ADAMTS16: variants seen among roughly 807,000 people sequenced by gnomAD.
ADAMTS16 encodes the protein A disintegrin and metalloproteinase with thrombospondin motifs 16.
A neutral mutation model predicts 145.8 loss-of-function variants in ADAMTS16; 94 were observed. The ratio of observed to expected loss-of-function variants is 0.64; its 90% CI spans 0.55 to 0.77. The LOEUF (loss-of-function observed/expected upper bound fraction) is 0.77, where lower values mean the gene tolerates loss of function less well. ADAMTS16 is among the 30% of genes least tolerant of loss of function. The pLI is 0.00. For synonymous variants in ADAMTS16, 659 were observed against 604.3 expected (o/e 1.09, Z -1.33); for missense variants, 1,585 against 1,591.5 (o/e 1.00, Z 0.07).
Position 5,303,363 on chromosome 5 carries a change from C to G in ADAMTS16, c.2885C>G (p.Ser962Trp), listed in dbSNP as rs769507235. ...TGCACACGGCGGGTGCACTATGACT[C>G]GGAGCCAGTCCCGGCCAGCCTGTGC... is the stretch of plus-strand genomic sequence containing the variant. ...VQCTRRVHYD[S>W]EPVPASLCPQ... Residue 962 changes from serine to tryptophan, a missense_variant, in exon 19 of 23, where the codon TCG (serine) becomes TGG (tryptophan). Around this residue, in one of 3 missense-constraint regions of ADAMTS16, gnomAD observed 834 missense variants for 811.7 expected, o/e 1.03. Transcript: ENST00000274181. The G allele has an allele frequency of 2.5e-6, 4 of 1,601,032 alleles. No individual in the cohort carries two copies. The highest frequency in any genetic ancestry group is 3.4e-6 in the Non-Finnish European group (4 of 1,175,136).
In ADAMTS16 at chr5:5,311,829, G is replaced by C. The variant is rs566801073; in HGVS notation, c.3411+5101G>C. 2.8e-4 allele frequency among the ~76,000 whole-genome samples: 42 copies of C among 151,484 alleles called. No homozygotes were observed. In the South Asian group the frequency reaches 4.4e-3, roughly 16 times the overall value. The stretch of plus-strand genomic sequence containing the variant: ...CCTCCCGGGTTCAAGCCATTCTCCT[G>C]CCTCAGCCTCCCAAGTAGCTGGGAC... On this transcript the variant is annotated intron_variant, in intron 21 of 22. Transcript: ENST00000274181.
intron 18 of ADAMTS16, among the ~76,000 whole-genome samples, chr5:5,288,183 C>T (rs142252509): frequency 1.3e-5 from 2 of 152,178 alleles, no homozygotes; most frequent in Non-Finnish European, 2.9e-5. Context: ...CCCAAGAAAA[C>T]GAAGAGCCGA....
At chr5:5,180,148 C>T (rs950347479) in intron 3 of ADAMTS16, among the ~76,000 whole-genome samples, 1 of 152,140 alleles carries the variant, frequency 6.6e-6, no homozygotes, top group South Asian at 2.1e-4. Context: ...CCCAGGCTCC[C>T]CACATCAGAG....
chr5:5,291,478 T>G (rs1739314318), intron 18 of ADAMTS16, among the ~76,000 whole-genome samples: 1 of 152,182 alleles, frequency 6.6e-6, no homozygotes, highest in Non-Finnish European at 1.5e-5. Context: ...TCCTGTCTGC[T>G]AGTCCTCCCA....
At chr5:5,196,642 C>T (rs977212621) in intron 8 of ADAMTS16, among the ~76,000 whole-genome samples, 1 of 152,100 alleles carries the variant, frequency 6.6e-6, no homozygotes, top group Non-Finnish European at 1.5e-5. Flanking sequence ...TTGGCCAGAC[C>T]TTCCCATACA....
intron 13 of ADAMTS16, among the ~76,000 whole-genome samples, chr5:5,235,972 G>A (rs1169675418): frequency 2.6e-5 from 4 of 152,186 alleles, no homozygotes; most frequent in Non-Finnish European, 5.9e-5. Context: ...CAATTTCCCG[G>A]AAGCATGTTT....
chr5:5,168,352 C>CATTATTATTATTATTATT (rs70965930), intron 3 of ADAMTS16, among the ~76,000 whole-genome samples: 54 of 139,804 alleles, frequency 3.9e-4, no homozygotes, highest in African/African-American at 1.2e-3. Context: ...TTATCCGAAA[C>CATTATTATTATTATTATT]ATTATTATTA....
At chr5:5,239,457 G>A (rs758680438) in intron 15 of ADAMTS16, among the ~76,000 whole-genome samples, 183 bp downstream of exon 15, 4 of 152,184 alleles carry the variant, frequency 2.6e-5, no homozygotes, top group Non-Finnish European at 5.9e-5. Context: ...TGAGTTATTT[G>A]CAATAAAATT....
chr5:5,251,420 A>G (rs536169365), intron 17 of ADAMTS16, among the ~76,000 whole-genome samples: 2 of 152,352 alleles, frequency 1.3e-5, no homozygotes, highest in Admixed American at 6.5e-5. Flanking sequence ...TCAACAGACT[A>G]TAAACAAATA....
At chr5:5,153,992 C>T (rs1323083803) in intron 3 of ADAMTS16, among the ~76,000 whole-genome samples, 1 of 151,948 alleles carries the variant, frequency 6.6e-6, no homozygotes, top group Admixed American at 6.6e-5. Flanking sequence ...TTATTTCTAC[C>T]CACAAACTCC....
chr5:5,140,476 CCG>C lies in ADAMTS16; in HGVS notation c.18_19del (p.Gly7MetfsTer54), dbSNP rs765805259. MKP[R>X]ARGWRGLAAL... ...CCTCGGAGCGCTCCTGGATGAAGCC[CCG>C]CGCGCGCGGATGGCGGGGCTTGGCG... is the stretch of plus-strand genomic sequence containing the variant. On this transcript the variant is annotated frameshift_variant, in exon 1 of 23. Transcript: ENST00000274181. LOFTEE classifies it high-confidence loss of function. The C allele has an allele frequency of 8.6e-6, 13 of 1,513,960 alleles. No homozygotes were observed. The highest frequency in any genetic ancestry group is 5.3e-5 in the East Asian group (2 of 37,428). The allele number at this position is 1,513,960 out of a possible 1,614,324, so 93.8% of individuals were successfully genotyped here.
At chr5:5,240,003 A>T (rs1437245864) in intron 16 of ADAMTS16, 78 bp downstream of exon 16, 8 of 1,554,510 alleles carry the variant, frequency 5.1e-6, no homozygotes, top group Non-Finnish European at 6.9e-6. Context: ...GGCTGTTGGC[A>T]TAATTTTAAG....
chr5:5,254,444 A>G (rs931033182), intron 17 of ADAMTS16, among the ~76,000 whole-genome samples: 2 of 152,152 alleles, frequency 1.3e-5, no homozygotes, highest in Non-Finnish European at 2.9e-5. Flanking sequence ...AATGTTTCCC[A>G]TAATGCTAGC....
chr5:5,147,630 A>G (rs1734338733), intron 3 of ADAMTS16, among the ~76,000 whole-genome samples: 1 of 152,136 alleles, frequency 6.6e-6, no homozygotes, highest in African/African-American at 2.4e-5. Flanking sequence ...GGTGGTGGTT[A>G]TTTGGCGCTC....
intron 8 of ADAMTS16, 21 bp downstream of exon 8, chr5:5,191,811 G>A (rs770439337): frequency 6.4e-7 from 1 of 1,569,926 alleles, no homozygotes; most frequent in Non-Finnish European, 8.7e-7. Flanking sequence ...CTCCATGGGA[G>A]GATGGCATCC....
chr5:5,188,951 C>A (rs566091000), intron 6 of ADAMTS16, among the ~76,000 whole-genome samples: 15 of 152,290 alleles, frequency 9.8e-5, no homozygotes, highest in Admixed American at 2.0e-4. Flanking sequence ...ATCGTTTGAT[C>A]GTACACCTGT....
chr5:5,167,372 T>C (rs1325739654), intron 3 of ADAMTS16, among the ~76,000 whole-genome samples: 1 of 152,220 alleles, frequency 6.6e-6, no homozygotes, highest in African/African-American at 2.4e-5. Context: ...AAAGGTGACA[T>C]AGGGTATCTT....
chr5:5,218,979 C>A (rs1736516481), intron 10 of ADAMTS16, among the ~76,000 whole-genome samples: 1 of 152,148 alleles, frequency 6.6e-6, no homozygotes, highest in African/African-American at 2.4e-5. Flanking sequence ...TCTCAGGTTT[C>A]CACGGGCACA....
At chr5:5,228,351 A>G (rs562134913) in intron 11 of ADAMTS16, among the ~76,000 whole-genome samples, 2 of 152,322 alleles carry the variant, frequency 1.3e-5, no homozygotes, top group East Asian at 3.9e-4. Context: ...TGCTAGGATA[A>G]AGGAAGTACT....
Sources: allele counts gnomAD v4.1 joint callset (sites outside exome capture counted in the v4.1 genomes callset), GRCh38; gene constraint gnomAD v4.1.1; regional missense constraint gnomAD v4.1.1; transcripts MANE v1.5; gene names NCBI Gene and HGNC (gene_info 2026-07-23, HGNC 2026-07-21).